The following MARCHF1 variants were observed in gnomAD, a reference collection of about 807,000 sequenced individuals.
MARCHF1 encodes the protein E3 ubiquitin-protein ligase MARCHF1.
In MARCHF1, 40 loss-of-function variants were observed where a neutral mutation model predicts 54.2. The observed-to-expected ratio is 0.74, with a 90% CI of 0.57 to 0.96. The LOEUF is 0.96. Among genes scored for constraint, MARCHF1 ranks in the 40% least tolerant of loss-of-function variants. The pLI, the probability that MARCHF1 is intolerant of heterozygous loss-of-function variation, is 0.00. For missense variants in MARCHF1, 586 were observed against 656.5 expected (o/e 0.89, Z 1.17); for synonymous variants, 236 against 236.3 (o/e 1.00, Z 0.01).
chr4:163,733,901 ACATAT>A (rs1321350707), intron 4 of MARCHF1, among the ~76,000 whole-genome samples: 4 of 152,192 alleles, frequency 2.6e-5, no homozygotes, highest in Admixed American at 6.5e-5. Context: ...TGTGCAAATC[ACATAT>A]CATATCAAGA....
intron 2 of MARCHF1, among the ~76,000 whole-genome samples, chr4:164,071,609 A>G (rs1476607750): frequency 6.6e-6 from 1 of 152,156 alleles, no homozygotes; most frequent in Non-Finnish European, 1.5e-5. Flanking sequence ...CAGTTCCCCA[A>G]TTAATTCAAC....
intron 4 of MARCHF1, among the ~76,000 whole-genome samples, chr4:163,807,559 A>G (rs1214389858): frequency 6.6e-6 from 1 of 152,184 alleles, no homozygotes; most frequent in Non-Finnish European, 1.5e-5. Flanking sequence ...ATATATTACA[A>G]TAAAGGGCAT....
chr4:164,139,988 T>C (rs972174226), intron 1 of MARCHF1, among the ~76,000 whole-genome samples: 1 of 152,098 alleles, frequency 6.6e-6, no homozygotes, highest in Non-Finnish European at 1.5e-5. Flanking sequence ...TGTTAATTGA[T>C]CTGTTTTTTC....
intron 2 of MARCHF1, among the ~76,000 whole-genome samples, chr4:163,997,480 A>G (rs1243675585): frequency 6.6e-6 from 1 of 152,058 alleles, no homozygotes. Context: ...CCAAACTTTA[A>G]TGTTCAAGTG....
chr4:164,133,772 G>C (rs1756348177), intron 1 of MARCHF1, among the ~76,000 whole-genome samples: 2 of 152,080 alleles, frequency 1.3e-5, no homozygotes, highest in Admixed American at 6.5e-5. Context: ...AGTGGGCACT[G>C]CCCATCTACC....
At chr4:164,217,006 T>A (rs1441606942) in intron 1 of MARCHF1, among the ~76,000 whole-genome samples, 1 of 152,130 alleles carries the variant, frequency 6.6e-6, no homozygotes, top group African/African-American at 2.4e-5. Context: ...CAAATATAGC[T>A]GGAGTACAAA....
At chr4:163,767,079 A>G (rs1435840934) in intron 4 of MARCHF1, among the ~76,000 whole-genome samples, 1 of 142,538 alleles carries the variant, frequency 7.0e-6, no homozygotes, top group African/African-American at 2.6e-5. Context: ...TCTTTTTTTC[A>G]GATAAGGATA....
chr4:164,086,439 T>C (rs929814255), intron 2 of MARCHF1, among the ~76,000 whole-genome samples: 1 of 152,006 alleles, frequency 6.6e-6, no homozygotes, highest in African/African-American at 2.4e-5. Flanking sequence ...ATTAATATAA[T>C]AAATTTCAAG....
At chr4:163,850,014 G>A (rs1485593839) in intron 4 of MARCHF1, among the ~76,000 whole-genome samples, 2 of 152,122 alleles carry the variant, frequency 1.3e-5, no homozygotes, top group Non-Finnish European at 2.9e-5. Context: ...TTTTGGTTGG[G>A]TTCTGCCAAT....
At chr4:163,890,992 C>T (rs1750649638) in intron 3 of MARCHF1, among the ~76,000 whole-genome samples, 1 of 151,764 alleles carries the variant, frequency 6.6e-6, no homozygotes, top group Non-Finnish European at 1.5e-5. Context: ...TGCTGTTATT[C>T]ATATTCATTT....
intron 2 of MARCHF1, among the ~76,000 whole-genome samples, chr4:164,074,863 A>G (rs2111099492): frequency 6.6e-6 from 1 of 151,282 alleles, no homozygotes; most frequent in African/African-American, 2.4e-5. Context: ...TTATCTGAAT[A>G]AATTTCTTCT....
At chr4:163,671,183 TA>T (rs1233553830) in intron 5 of MARCHF1, among the ~76,000 whole-genome samples, 1 of 152,206 alleles carries the variant, frequency 6.6e-6, no homozygotes, top group Non-Finnish European at 1.5e-5. Context: ...AAAACAACAC[TA>T]TCACTATTTA....
chr4:163,930,736 T>C (rs1751654081), intron 3 of MARCHF1, among the ~76,000 whole-genome samples: 1 of 152,136 alleles, frequency 6.6e-6, no homozygotes, highest in Admixed American at 6.6e-5. Flanking sequence ...CTCATCCTTG[T>C]ATGATTTAGA....
intron 1 of MARCHF1, among the ~76,000 whole-genome samples, chr4:164,257,589 GA>G (rs1304393636): frequency 2.0e-5 from 3 of 151,336 alleles, no homozygotes; most frequent in African/African-American, 4.8e-5. Flanking sequence ...ATATATATTT[GA>G]AAAATGTAAA....
intron 9 of MARCHF1, among the ~76,000 whole-genome samples, 190 bp from the exon 10 acceptor site, chr4:163,529,236 A>G (rs566993878): frequency 6.6e-6 from 1 of 152,130 alleles, no homozygotes; most frequent in East Asian, 1.9e-4. Context: ...AGTATCCTAC[A>G]TGTACTGTCA....
At chr4:164,197,190 C>G (rs1162832283) in intron 1 of MARCHF1, 4 of 1,609,004 alleles carry the variant, frequency 2.5e-6, no homozygotes, top group Non-Finnish European at 2.5e-6. Context: ...CTTCATCATA[C>G]TCCTCCTCAT....
At chr4:163,599,510 C>T (rs974500624) in intron 7 of MARCHF1, among the ~76,000 whole-genome samples, 1 of 151,938 alleles carries the variant, frequency 6.6e-6, no homozygotes, top group Non-Finnish European at 1.5e-5. Flanking sequence ...AAATGCTCAC[C>T]TCCTTTATTT....
At chr4:164,328,370 T>C (rs890889069) in intron 1 of MARCHF1, among the ~76,000 whole-genome samples, 19 of 152,028 alleles carry the variant, frequency 1.2e-4, no homozygotes, top group African/African-American at 3.9e-4. Flanking sequence ...TTATATAAAA[T>C]CTTAAAACAA....
In MARCHF1 at chr4:163,527,069, T is replaced by C. The variant is rs1279564538; in HGVS notation, c.*1679A>G. On this transcript the variant is annotated 3_prime_UTR_variant, in exon 10 of 10. Coordinates refer to ENST00000514618, the MANE Select transcript of MARCHF1 (RefSeq NM_001394959.1). Reference sequence around the variant, plus strand: ...CAGTGTGATACTCATGCTTTGGTTCTTATGGCCATCATTGCCTTTTCATGT... The same window carrying C: ...CAGTGTGATACTCATGCTTTGGTTCCTATGGCCATCATTGCCTTTTCATGT... 2 of 152,016 alleles carry C rather than the reference T, an allele frequency of 1.3e-5. No individual in the cohort carries two copies. Among genetic ancestry groups the C allele is most frequent in the Non-Finnish European group, 2.9e-5 (2 of 67,932 alleles). 9.4% of individuals were successfully genotyped at this position (152,016 alleles called of 1,614,324 possible).
Sources: gnomAD v4.1 joint callset for allele counts (sites outside exome capture counted in the v4.1 genomes callset) on GRCh38, gnomAD v4.1.1 for gene constraint, MANE v1.5 for transcripts, NCBI Gene and HGNC (gene_info 2026-07-23, HGNC 2026-07-21) for gene names.